TTC28: variants seen among roughly 807,000 people sequenced by gnomAD.
The protein encoded by TTC28 is tetratricopeptide repeat protein 28.
TTC28 carries 61 observed loss-of-function variants against 198.0 expected under a neutral mutation model. The observed-to-expected ratio is 0.31, with a 90% CI of 0.25 to 0.38. The LOEUF (loss-of-function observed/expected upper bound fraction) is 0.38. Among genes scored for constraint, TTC28 ranks in the 10% least tolerant of loss-of-function variants. The pLI, the probability that TTC28 is intolerant of heterozygous loss-of-function variation, is 1.00. For missense variants in TTC28, 2,678 were observed against 3,164.0 expected (o/e 0.85, Z 3.69); for synonymous variants, 1,171 against 1,297.8 (o/e 0.90, Z 2.10).
chr22:28,219,345 C>T (rs977474905), intron 5 of TTC28, among the ~76,000 whole-genome samples: 3 of 152,050 alleles, frequency 2.0e-5, no homozygotes, highest in African/African-American at 7.2e-5. Context: ...CCTCTCTCTA[C>T]TAAAAATACA....
intron 5 of TTC28, among the ~76,000 whole-genome samples, chr22:28,173,136 G>A (rs536689726): frequency 1.3e-5 from 2 of 152,308 alleles, no homozygotes; most frequent in East Asian, 3.9e-4. Flanking sequence ...ATTGCTGTCA[G>A]TTGCTACAGG....
chr22:28,322,789 G>A (rs556925835), intron 2 of TTC28, among the ~76,000 whole-genome samples: 22 of 152,278 alleles, frequency 1.4e-4, no homozygotes, highest in African/African-American at 5.3e-4. Context: ...CCCAGAATGA[G>A]TCTTACAGGG....
At chr22:28,374,138 A>G (rs1405812505) in intron 2 of TTC28, among the ~76,000 whole-genome samples, 1 of 152,214 alleles carries the variant, frequency 6.6e-6, no homozygotes, top group African/African-American at 2.4e-5. Context: ...TTTATACTGA[A>G]AAGAAAATGC....
At position 28,155,866 on chromosome 22, in the gene TTC28, G is replaced by A. The variant is rs185681162; in HGVS notation, c.1441+7226C>T. ...AATGAATGACTTGAGTACAGCTTTA[G>A]GAAGATCAATCTAGTACTGATGTGT... On this transcript the variant is annotated intron_variant, in intron 6 of 22. Transcript: ENST00000397906. 1.4e-4 allele frequency among the ~76,000 whole-genome samples: 22 copies of A among 152,244 alleles called. 1 individual carries two copies. The South Asian group carries it at 2.1e-3, about 14-fold the overall frequency.
chr22:28,419,085 A>T (rs1295039429), intron 2 of TTC28, among the ~76,000 whole-genome samples: 2 of 152,170 alleles, frequency 1.3e-5, no homozygotes, highest in Non-Finnish European at 1.5e-5. Flanking sequence ...AAGAATTAAC[A>T]TTTTGTTGAA....
chr22:28,596,975 A>G (rs1412240913), intron 2 of TTC28, among the ~76,000 whole-genome samples: 2 of 152,200 alleles, frequency 1.3e-5, no homozygotes, highest in African/African-American at 4.8e-5. Context: ...CTAGAAATTA[A>G]GGTCAGGTTC....
intron 12 of TTC28, among the ~76,000 whole-genome samples, chr22:28,086,229 C>T (rs1941591829): frequency 6.6e-6 from 1 of 152,068 alleles, no homozygotes; most frequent in Non-Finnish European, 1.5e-5. Context: ...AGCACCACAC[C>T]ACACCTATTC....
intron 5 of TTC28, among the ~76,000 whole-genome samples, chr22:28,171,413 G>T (rs896383326): frequency 2.6e-5 from 4 of 152,146 alleles, no homozygotes; most frequent in Non-Finnish European, 4.4e-5. Flanking sequence ...CCTGGCTAGG[G>T]AATAACAATG....
At chr22:28,045,234 CT>C (rs150950075) in intron 12 of TTC28, among the ~76,000 whole-genome samples, 1,716 of 152,206 alleles carry the variant, frequency 0.011, 29 homozygotes, top group African/African-American at 0.039. Flanking sequence ...AATTTTTGAT[CT>C]TTTTGGATTT....
intron 12 of TTC28, among the ~76,000 whole-genome samples, chr22:28,042,639 G>C (rs1234313122): frequency 6.6e-6 from 1 of 151,890 alleles, no homozygotes; most frequent in Non-Finnish European, 1.5e-5. Flanking sequence ...TAAATGATGA[G>C]TTGATGGGTG....
intron 5 of TTC28, among the ~76,000 whole-genome samples, chr22:28,194,188 T>G (rs901721280): frequency 2.0e-5 from 3 of 152,130 alleles, no homozygotes; most frequent in African/African-American, 7.2e-5. Flanking sequence ...GACTACTGGG[T>G]ACATAACAAA....
At chr22:27,990,849 GAGAA>G (rs763819925) in intron 19 of TTC28, 37 bp from the exon 20 acceptor site, 5 of 1,540,184 alleles carry the variant, frequency 3.2e-6, no homozygotes, top group Non-Finnish European at 3.5e-6. Context: ...GAAAGAAAGA[GAGAA>G]AGAAGAGAGT....
At position 28,098,988 on chromosome 22, in the gene TTC28, C is replaced by G. The variant is rs1306293804; in HGVS notation, c.3474G>C (p.Thr1158=). 6.4e-7 allele frequency: 1 copy of G among 1,551,874 alleles called. No homozygotes were observed. Among genetic ancestry groups the G allele is most frequent in the Non-Finnish European group, 8.7e-7 (1 of 1,147,020 alleles). ...GGTCAAAGAGGGAGAGTTTGTAGTC[C>G]GTGCTCAGCTGTGCCTCATGTCGGA... ...ETIRHEAQLS[T]DYKLSLFDLQ... is the part of the protein sequence containing the mutation. The change falls in exon 10 of 23, where the codon ACG becomes ACC. Residue 1158 remains threonine, a synonymous_variant. Transcript: ENST00000397906.
chr22:28,351,995 G>A (rs1354487935), intron 2 of TTC28, among the ~76,000 whole-genome samples: 2 of 152,066 alleles, frequency 1.3e-5, no homozygotes, highest in African/African-American at 4.8e-5. Flanking sequence ...TCTGCTGTGT[G>A]TTCGTTTCTA....
intron 18 of TTC28, 69 bp from the exon 19 acceptor site, chr22:27,992,732 A>AG: frequency 6.9e-7 from 1 of 1,450,770 alleles, no homozygotes; most frequent in East Asian, 2.5e-5. Context: ...CCACCTTCCC[A>AG]GGGGAAAGAA....
At chr22:28,123,238 AG>A (rs1468227691) in intron 6 of TTC28, among the ~76,000 whole-genome samples, 1 of 149,996 alleles carries the variant, frequency 6.7e-6, no homozygotes, top group Non-Finnish European at 1.5e-5. Flanking sequence ...CCACTGTTTC[AG>A]GTTTTTTTTT....
chr22:28,099,302 ACCATGTGAGGCGCATTAGGTGATCAC>A (rs1341859506), intron 9 of TTC28, among the ~76,000 whole-genome samples: 1 of 152,230 alleles, frequency 6.6e-6, no homozygotes, highest in Non-Finnish European at 1.5e-5. Context: ...ATGTAACGAC[ACCATGTGAGGCGCATTAGGTGATCAC>A]CCATGTGAGC....
chr22:28,657,857 C>T (rs1380159649), intron 1 of TTC28, among the ~76,000 whole-genome samples: 4 of 151,636 alleles, frequency 2.6e-5, no homozygotes, highest in African/African-American at 4.8e-5. Context: ...CGAACCTGGG[C>T]GGGCAACAGA....
intron 2 of TTC28, among the ~76,000 whole-genome samples, chr22:28,348,663 C>T (rs567790196): frequency 6.6e-6 from 1 of 152,274 alleles, no homozygotes; most frequent in South Asian, 2.1e-4. Flanking sequence ...ACATGCGGAC[C>T]TTTCATTCAT....
Sources: gnomAD v4.1 joint callset for allele counts (sites outside exome capture counted in the v4.1 genomes callset) on GRCh38, gnomAD v4.1.1 for gene constraint, MANE v1.5 for transcripts, NCBI Gene and HGNC (gene_info 2026-07-23, HGNC 2026-07-21) for gene names.